Variants in TBX21 observed in about 807,000 individuals in gnomAD.
TBX21 encodes T-box transcription factor TBX21.
Under a neutral mutation model 52.2 loss-of-function variants are expected in TBX21, and 11 were observed. The ratio of observed to expected loss-of-function variants is 0.21; its 90% CI spans 0.13 to 0.35. The LOEUF (loss-of-function observed/expected upper bound fraction) is 0.35. Ranked by LOEUF, TBX21 falls within the 10% of genes least tolerant of loss-of-function variation. The pLI is 1.00. For missense variants in TBX21, 625 were observed against 755.1 expected (o/e 0.83, Z 2.02); for synonymous variants, 300 against 316.1 (o/e 0.95, Z 0.54).
rs2032273611 is a variant in TBX21 at position 47,742,193 on chromosome 17, C to T, written c.492-417C>T. 6.6e-6 allele frequency among the ~76,000 whole-genome samples: 1 copy of T among 151,992 alleles called. No individual in the cohort carries two copies. The highest frequency in any genetic ancestry group is 1.5e-5 in the Non-Finnish European group (1 of 68,012). On this transcript the variant is annotated intron_variant, in intron 1 of 5. Transcript: ENST00000177694. This position sits in a 1 kb window ranked among gnomAD's most constrained non-coding sequence, Gnocchi z 4.4. The stretch of plus-strand genomic sequence containing the variant: ...CAAGCCATTCTCCTGCCTCAGCCTC[C>T]TGAGTAGCTAGGATTACAGGCGCCC...
In TBX21 at chr17:47,733,810, C is replaced by T. The variant is rs1266255859; in HGVS notation, c.356C>T (p.Pro119Leu). ...CCGGACCCGCGCGCCGGGCTCTACC[C>T]GGGGCCGCGTGAGGACTACGCGCTA... ...AAPDPRAGLY[P>L]GPREDYALPA... is the part of the protein sequence containing the mutation. The change falls in exon 1 of 6, where the codon CCG (proline) becomes CTG (leucine). Residue 119 changes from proline to leucine, a missense_variant. By Grantham distance (98) the Pro-to-Leu change is moderately conservative. Transcript: ENST00000177694. This position sits in a 1 kb window ranked among gnomAD's most constrained non-coding sequence, Gnocchi z 6.6. 6.3e-7 allele frequency: 1 copy of T among 1,594,390 alleles called. No homozygotes were observed. The highest frequency in any genetic ancestry group is 1.8e-5 in the Admixed American group (1 of 55,832).
Position 47,745,747 on chromosome 17 carries a change from C to T in TBX21, c.*381C>T, listed in dbSNP as rs2032327021. The T allele has an allele frequency of 5.3e-6, 1 of 187,690 alleles. No homozygotes were observed. Among genetic ancestry groups the T allele is most frequent in the African/African-American group, 2.4e-5 (1 of 42,382 alleles). 11.6% of individuals were successfully genotyped at this position (187,690 alleles called of 1,614,324 possible). ...GGGAGCAGGAGACTCCACTTTCTTC[C>T]TTTGTACAGTAACTTTCAACCTTTT... On this transcript the variant is annotated 3_prime_UTR_variant, in exon 6 of 6. Transcript: ENST00000177694.
rs191441125 is a variant in TBX21 at position 47,742,489 on chromosome 17, G to A, written c.492-121G>A. 874 of 1,231,864 alleles carry A rather than the reference G, an allele frequency of 7.1e-4. 1 individual carries two copies. In the African/African-American group the frequency reaches 0.012, roughly 17 times the overall value. 76.3% of individuals were successfully genotyped at this position (1,231,864 alleles called of 1,614,324 possible). A position where few individuals can be genotyped will look rare whatever the true frequency, so the allele number is the denominator to read the frequency against. On this transcript the variant is annotated intron_variant, in intron 1 of 5. Transcript: ENST00000177694. The surrounding 1 kb of genome is among the most constrained non-coding windows in gnomAD (Gnocchi z 4.4). ...AAACTCCCTAAACACCTTCCAGCTGGTTCTTGTGAGTGGGAGGAAGCCGGC... is the reference window on the plus strand; with the variant it reads ...AAACTCCCTAAACACCTTCCAGCTGATTCTTGTGAGTGGGAGGAAGCCGGC...
rs58067360 is a variant in TBX21 at position 47,742,221 on chromosome 17, G to C, written c.492-389G>C. On this transcript the variant is annotated intron_variant, in intron 1 of 5. Transcript: ENST00000177694. This position sits in a 1 kb window ranked among gnomAD's most constrained non-coding sequence, Gnocchi z 4.4. ...AGTAGCTAGGATTACAGGCGCCCAC[G>C]ACCACACCCAGCTATTTTTGTTGTT... Among the ~76,000 whole-genome samples, 42,361 of 151,462 alleles carry C rather than the reference G, an allele frequency of 0.28. 6,115 individuals are homozygous for C. Among genetic ancestry groups the C allele is most frequent in the South Asian group, 0.39 (1,855 of 4,784 alleles).
chr17:47,734,343 T>C (rs1311510165), intron 1 of TBX21, among the ~76,000 whole-genome samples: 1 of 152,076 alleles, frequency 6.6e-6, no homozygotes, highest in African/African-American at 2.4e-5. Context: ...TGTGGGAAAC[T>C]GGAGGGGAAG....
Position 47,744,867 on chromosome 17 carries a change from A to T in TBX21, c.1109A>T (p.Tyr370Phe), listed in dbSNP as rs2032310633. The T allele has an allele frequency of 6.2e-7, 1 of 1,613,834 alleles. No individual in the cohort carries two copies. The highest frequency in any genetic ancestry group is 1.3e-5 in the African/African-American group (1 of 74,800). ...PNQYPVPSRF[Y>F]PDLPGQAKDV... is the part of the protein sequence containing the mutation. ...CAGTATCCTGTTCCCAGCCGCTTCT[A>T]CCCCGACCTTCCTGGCCAGGCGAAG... Residue 370 changes from tyrosine to phenylalanine, a missense_variant, in exon 6 of 6, where the codon TAC becomes TTC. Around this residue, in one of 4 missense-constraint regions of TBX21, gnomAD observed 261 missense variants for 275.1 expected, o/e 0.95. Coordinates refer to ENST00000177694, the MANE Select transcript of TBX21 (RefSeq NM_013351.2).
chr17:47,733,647 C>T lies in TBX21; in HGVS notation c.193C>T (p.Pro65Ser). The T allele has an allele frequency of 6.9e-7, 1 of 1,448,546 alleles. No individual in the cohort carries two copies. The highest frequency in any genetic ancestry group is 1.4e-5 in the South Asian group (1 of 73,106). 89.7% of individuals were successfully genotyped at this position (1,448,546 alleles called of 1,614,324 possible). A position where few individuals can be genotyped will look rare whatever the true frequency, so the allele number is the denominator to read the frequency against. Reference protein sequence around the residue: ...GSPYPGGALVPAPPSRFLGAY... With the variant: ...GSPYPGGALVSAPPSRFLGAY... ...TCCCTACCCGGGGGGCGCCTTGGTG[C>T]CCGCCCCGCCGAGCCGCTTCCTTGG... The change falls in exon 1 of 6, where the codon CCC becomes TCC. Residue 65 changes from proline (P) to serine (S), a missense_variant. Physicochemically the swap from Pro to Ser is moderately conservative, Grantham distance 74. This residue lies in a region of TBX21 where 221 missense variants were observed against 204.9 expected (regional missense o/e 1.08). Coordinates refer to ENST00000177694, the MANE Select transcript of TBX21 (RefSeq NM_013351.2). This position sits in a 1 kb window ranked among gnomAD's most constrained non-coding sequence, Gnocchi z 6.6.
At chr17:47,744,415 G>A (rs2032304943) in intron 4 of TBX21, 62 bp downstream of exon 4, 1 of 1,613,858 alleles carries the variant, frequency 6.2e-7, no homozygotes, top group East Asian at 2.2e-5. Context: ...TCTTCCTTGG[G>A]AGGGATTTGG....
Position 47,743,077 on chromosome 17 carries a change from G to A in TBX21, c.653G>A (p.Arg218His), listed in dbSNP as rs202150196. 1.6e-4 allele frequency: 262 copies of A among 1,614,002 alleles called. 1 individual carries two copies. The highest frequency in any genetic ancestry group is 4.0e-4 in the Admixed American group (24 of 60,006). ...AGAGGTGAACTGTCCACAGGAAACCGCCTGTACGTCCACCCGGACTCCCCC... is the reference window on the plus strand; with the variant it reads ...AGAGGTGAACTGTCCACAGGAAACCACCTGTACGTCCACCCGGACTCCCCC... ...GKAEGSMPGN[R>H]LYVHPDSPNT... Residue 218 changes from arginine (R) to histidine (H), a missense_variant, in exon 3 of 6, where the codon CGC becomes CAC. This residue lies in a region of TBX21 where 142 missense variants were observed against 258.5 expected (regional missense o/e 0.55). Transcript: ENST00000177694.
chr17:47,733,496 C>A lies in TBX21; in HGVS notation c.42C>A (p.Gly14=). 6.7e-7 allele frequency: 1 copy of A among 1,494,958 alleles called. No individual in the cohort carries two copies. The highest frequency in any genetic ancestry group is 1.5e-5 in the African/African-American group (1 of 68,644). 92.6% of individuals were successfully genotyped at this position (1,494,958 alleles called of 1,614,324 possible). ...VEPGCGDMLT[G]TEPMPGSDEG... ...CGGGTTGCGGAGACATGCTGACGGG[C>A]ACCGAGCCGATGCCGGGGAGCGACG... The change falls in exon 1 of 6, where the codon GGC becomes GGA. Residue 14 remains glycine (G), a synonymous_variant. Coordinates refer to ENST00000177694, the MANE Select transcript of TBX21 (RefSeq NM_013351.2). This position sits in a 1 kb window ranked among gnomAD's most constrained non-coding sequence, Gnocchi z 6.6.
Position 47,745,572 on chromosome 17 carries a change from C to T in TBX21, c.*206C>T, listed in dbSNP as rs2032325033. On this transcript the variant is annotated 3_prime_UTR_variant, in exon 6 of 6. Coordinates refer to ENST00000177694, the MANE Select transcript of TBX21 (RefSeq NM_013351.2). ...CACGATGAAACCTGAGAGGGGTGTC[C>T]CCTTGCCCCATCCTCTGCCCTAACT... is the stretch of plus-strand genomic sequence containing the variant. 6.4e-6 allele frequency: 4 copies of T among 622,480 alleles called. No homozygotes were observed. In the East Asian group the frequency reaches 1.2e-4, roughly 19 times the overall value. 38.6% of individuals were successfully genotyped at this position (622,480 alleles called of 1,614,324 possible). A position where few individuals can be genotyped will look rare whatever the true frequency, so the allele number is the denominator to read the frequency against.
chr17:47,736,136 T>C (rs2032204536), intron 1 of TBX21, among the ~76,000 whole-genome samples: 1 of 152,052 alleles, frequency 6.6e-6, no homozygotes, highest in Non-Finnish European at 1.5e-5. Flanking sequence ...TAATTCTCAC[T>C]TGACAAGTTT....
chr17:47,733,526 C>A lies in TBX21; in HGVS notation c.72C>A (p.Gly24=). ...AGCCGATGCCGGGGAGCGACGAGGG[C>A]CGGGCGCCTGGCGCCGACCCGCAGC... ...GTEPMPGSDE[G]RAPGADPQHR... The change falls in exon 1 of 6, where the codon GGC becomes GGA. Residue 24 remains glycine, a synonymous_variant. Transcript: ENST00000177694. The surrounding 1 kb of genome is among the most constrained non-coding windows in gnomAD (Gnocchi z 6.6). 6.7e-7 allele frequency: 1 copy of A among 1,492,440 alleles called. No individual in the cohort carries two copies. The allele number at this position is 1,492,440 out of a possible 1,614,324, so 92.4% of individuals were successfully genotyped here.
chr17:47,740,121 A>G (rs2032251945), intron 1 of TBX21, among the ~76,000 whole-genome samples: 1 of 151,950 alleles, frequency 6.6e-6, no homozygotes, highest in South Asian at 2.1e-4. Flanking sequence ...GCTGGAGTGC[A>G]GTGGCGCCAT....
chr17:47,743,080 T>G lies in TBX21; in HGVS notation c.656T>G (p.Leu219Arg). Residue 219 changes from leucine to arginine, a missense_variant, in exon 3 of 6, where the codon CTG (leucine) becomes CGG (arginine). Coordinates refer to ENST00000177694, the MANE Select transcript of TBX21 (RefSeq NM_013351.2). ...KAEGSMPGNR[L>R]YVHPDSPNTG... ...GGTGAACTGTCCACAGGAAACCGCC[T>G]GTACGTCCACCCGGACTCCCCCAAC... is the stretch of plus-strand genomic sequence containing the variant. The G allele has an allele frequency of 6.2e-7, 1 of 1,614,178 alleles. No homozygotes were observed. The highest frequency in any genetic ancestry group is 1.1e-5 in the South Asian group (1 of 91,084).
chr17:47,737,615 G>A (rs950253126), intron 1 of TBX21, among the ~76,000 whole-genome samples: 4 of 151,544 alleles, frequency 2.6e-5, no homozygotes, highest in African/African-American at 7.3e-5. Flanking sequence ...AACTTTAGTC[G>A]ATAACTTTCT....
At position 47,745,395 on chromosome 17, in the gene TBX21, CA is replaced by C; in HGVS notation, c.*30del. 6.4e-7 allele frequency: 1 copy of C among 1,560,576 alleles called. No individual in the cohort carries two copies. Among genetic ancestry groups the C allele is most frequent in the South Asian group, 1.2e-5 (1 of 81,096 alleles). ...GATGACATGATGAAAGGAACAGAAA[CA>C]GTGTTATTAGGTTGGAGGACACCGA... On this transcript the variant is annotated 3_prime_UTR_variant, in exon 6 of 6. Coordinates refer to ENST00000177694, the MANE Select transcript of TBX21 (RefSeq NM_013351.2).
rs1315813309 is a variant in TBX21, at chr17:47,745,773, C to T, written c.*407C>T. 1.8e-5 allele frequency: 3 copies of T among 168,616 alleles called. No individual in the cohort carries two copies. Among genetic ancestry groups the T allele is most frequent in the Non-Finnish European group, 3.9e-5 (3 of 77,906 alleles). The allele number at this position is 168,616 out of a possible 1,614,324, so 10.4% of individuals were successfully genotyped here. Reference sequence around the variant, plus strand: ...TTTGTACAGTAACTTTCAACCTTTTCGTTGGCATGTGTGTTAATCCCTGAT... The same window carrying T: ...TTTGTACAGTAACTTTCAACCTTTTTGTTGGCATGTGTGTTAATCCCTGAT... On this transcript the variant is annotated 3_prime_UTR_variant, in exon 6 of 6. Transcript: ENST00000177694.
intron 3 of TBX21, 57 bp from the exon 4 acceptor site, chr17:47,744,138 A>G: frequency 6.3e-7 from 1 of 1,588,186 alleles, no homozygotes; most frequent in Non-Finnish European, 8.6e-7. Context: ...GGTGGGGGTG[A>G]TGGGATCCTC....
Sources: gnomAD v4.1 joint callset for allele counts (sites outside exome capture counted in the v4.1 genomes callset) on GRCh38, gnomAD v4.1.1 for gene constraint, gnomAD v4.1.1 regional missense constraint, Gnocchi (gnomAD v3.1) non-coding constraint, MANE v1.5 for transcripts, NCBI Gene and HGNC (gene_info 2026-07-23, HGNC 2026-07-21) for gene names.